The following RCN2 variants were observed in gnomAD, a reference collection of about 807,000 sequenced individuals.
RCN2 encodes the protein reticulocalbin 2.
RCN2 carries 23 observed loss-of-function variants against 37.5 expected under a neutral mutation model. The observed-to-expected ratio is 0.61, with a 90% CI of 0.44 to 0.87. The LOEUF is 0.87. Ranked by LOEUF, RCN2 falls within the 40% of genes least tolerant of loss-of-function variation. The pLI, the probability that RCN2 is intolerant of heterozygous loss-of-function variation, is 0.00. For synonymous variants in RCN2, 140 were observed against 144.6 expected, an observed-to-expected ratio of 0.97 and a Z score of 0.23; for missense variants, 381 against 390.4, an observed-to-expected ratio of 0.98 and a Z score of 0.20.
chr15:76,947,785 G>A lies in RCN2; in HGVS notation c.658+268G>A, dbSNP rs551367604. 23 of 356,482 alleles carry A rather than the reference G, an allele frequency of 6.5e-5. No individual in the cohort carries two copies. In the South Asian group the frequency reaches 8.6e-4, roughly 13 times the overall value. The allele number at this position is 356,482 out of a possible 1,614,324, so 22.1% of individuals were successfully genotyped here. A position where few individuals can be genotyped will look rare whatever the true frequency, so the allele number is the denominator to read the frequency against. On this transcript the variant is annotated intron_variant, in intron 5 of 6. Coordinates refer to ENST00000394885, the MANE Select transcript of RCN2 (RefSeq NM_002902.3). ...TCTAATTTTATTATCAGTTTAAATG[G>A]GGAAGGAAGTAAGGTAGATATTTTT...
At position 76,949,198 on chromosome 15, in the gene RCN2, C is replaced by T. The variant is rs2075308891; in HGVS notation, c.930C>T (p.Asp310=). ...ATDYGRQLHD[D]YFYHDEL ...ATTATGGCAGACAGCTCCATGATGACTATTTCTATCATGATGAGCTTTAAT... is the reference window on the plus strand; with the variant it reads ...ATTATGGCAGACAGCTCCATGATGATTATTTCTATCATGATGAGCTTTAAT... Residue 310 remains aspartate, a synonymous_variant, in exon 7 of 7, where the codon GAC becomes GAT. Transcript: ENST00000394885. The T allele has an allele frequency of 1.9e-6, 3 of 1,610,664 alleles. No homozygotes were observed. In the South Asian group the frequency reaches 3.3e-5, roughly 18 times the overall value.
In RCN2 at chr15:76,950,815, G is replaced by A. The variant is rs1461136360; in HGVS notation, c.*1593G>A. Reference sequence around the variant, plus strand: ...CACTGGGGGCTCAACAAGTACCTATGACTATTTGAGAAGACATGAAACTCT... The same window carrying A: ...CACTGGGGGCTCAACAAGTACCTATAACTATTTGAGAAGACATGAAACTCT... On this transcript the variant is annotated 3_prime_UTR_variant, in exon 7 of 7. Coordinates refer to ENST00000394885, the MANE Select transcript of RCN2 (RefSeq NM_002902.3). 2 of 152,154 alleles carry A rather than the reference G, an allele frequency of 1.3e-5. No individual in the cohort carries two copies. The highest frequency in any genetic ancestry group is 1.9e-4 in the East Asian group (1 of 5,196). 9.4% of individuals were successfully genotyped at this position (152,154 alleles called of 1,614,324 possible). A position where few individuals can be genotyped will look rare whatever the true frequency, so the allele number is the denominator to read the frequency against.
In RCN2 at chr15:76,935,053, G is replaced by A. The variant is rs139989390; in HGVS notation, c.251-473G>A. Among the ~76,000 whole-genome samples the A allele has an allele frequency of 5.8e-3, 881 of 152,216 alleles. 9 individuals carry two copies. The highest frequency in any genetic ancestry group is 0.02 in the African/African-American group (841 of 41,538). On this transcript the variant is annotated intron_variant, in intron 2 of 6. Coordinates refer to ENST00000394885, the MANE Select transcript of RCN2 (RefSeq NM_002902.3). ...TAGTATGGAAGCTCCGGCCAGGCAT[G>A]GTGGCTCACGCCTGTAATCCCAGCA...
In RCN2 at chr15:76,949,323, CTTAACCA is replaced by C; in HGVS notation, c.*102_*108del. 1 of 797,796 alleles carries C rather than the reference CTTAACCA, an allele frequency of 1.3e-6. No homozygotes were observed. 49.4% of individuals were successfully genotyped at this position (797,796 alleles called of 1,614,324 possible). A position where few individuals can be genotyped will look rare whatever the true frequency, so the allele number is the denominator to read the frequency against. The stretch of plus-strand genomic sequence containing the variant: ...GATGTTGTATTTTACACTCTTAAGT[CTTAACCA>C]CAGTCAGAATTATCTTAATGTAGAT... On this transcript the variant is annotated 3_prime_UTR_variant, in exon 7 of 7. Transcript: ENST00000394885.
At position 76,954,039 on chromosome 15, in the gene RCN2, G is replaced by GTTTTTTTTTTTT. The variant is rs60194309; in HGVS notation, c.*4819_*4830dup. 3.1e-5 allele frequency: 4 copies of GTTTTTTTTTTTT among 130,986 alleles called. No homozygotes were observed. Among genetic ancestry groups the GTTTTTTTTTTTT allele is most frequent in the South Asian group, 2.3e-4 (1 of 4,290 alleles). 8.1% of individuals were successfully genotyped at this position (130,986 alleles called of 1,614,324 possible). ...TCCTTACCAACACTTGCTATTTTCTGTTTTTTTTTTTTTCTTTTTTTTTTT... is the reference window on the plus strand; with the variant it reads ...TCCTTACCAACACTTGCTATTTTCTGTTTTTTTTTTTTTTTTTTTTTTTTTCTTTTTTTTTTT... On this transcript the variant is annotated 3_prime_UTR_variant, in exon 7 of 7. Coordinates refer to ENST00000394885, the MANE Select transcript of RCN2 (RefSeq NM_002902.3).
Position 76,949,366 on chromosome 15 carries a change from G to T in RCN2, c.*144G>T. 1.7e-6 allele frequency: 1 copy of T among 588,298 alleles called. No homozygotes were observed. The highest frequency in any genetic ancestry group is 2.6e-6 in the Non-Finnish European group (1 of 388,126). The allele number at this position is 588,298 out of a possible 1,614,324, so 36.4% of individuals were successfully genotyped here. A position where few individuals can be genotyped will look rare whatever the true frequency, so the allele number is the denominator to read the frequency against. The stretch of plus-strand genomic sequence containing the variant: ...TATCTTAATGTAGATTATAATTTTG[G>T]TCTTTTAGGAAAAAAAAACAAAAAT... On this transcript the variant is annotated 3_prime_UTR_variant, in exon 7 of 7. Coordinates refer to ENST00000394885, the MANE Select transcript of RCN2 (RefSeq NM_002902.3).
At chr15:76,934,148 T>TG (rs1025847224) in intron 2 of RCN2, among the ~76,000 whole-genome samples, 14 of 151,694 alleles carry the variant, frequency 9.2e-5, no homozygotes, top group Non-Finnish European at 1.3e-4. Flanking sequence ...AATAGTTTTT[T>TG]GTTTTTTTTT....
In RCN2 at chr15:76,935,579, G is replaced by A; in HGVS notation, c.304G>A (p.Ala102Thr). 2 of 1,613,728 alleles carry A rather than the reference G, an allele frequency of 1.2e-6. No homozygotes were observed. Among genetic ancestry groups the A allele is most frequent in the East Asian group, 2.2e-5 (1 of 44,850 alleles). Residue 102 changes from alanine (A) to threonine (T), a missense_variant, in exon 3 of 7, where the codon GCA becomes ACA. Physicochemically the swap from Ala to Thr is moderately conservative, Grantham distance 58 (BLOSUM62 0). Coordinates refer to ENST00000394885, the MANE Select transcript of RCN2 (RefSeq NM_002902.3). Reference sequence around the variant, plus strand: ...TTTTAAGCATTATGCTATGCAAGAAGCAAAACAACAGTTTGTTGAATATGA... The same window carrying A: ...TTTTAAGCATTATGCTATGCAAGAAACAAAACAACAGTTTGTTGAATATGA... ...MSFKHYAMQE[A>T]KQQFVEYDKN...
intron 2 of RCN2, among the ~76,000 whole-genome samples, chr15:76,933,846 C>T (rs992151031): frequency 6.6e-6 from 1 of 152,110 alleles, no homozygotes; most frequent in Non-Finnish European, 1.5e-5. Flanking sequence ...TCTTTGAGGG[C>T]CAGGTCTGGA....
Position 76,931,978 on chromosome 15 carries a change from G to A in RCN2, c.137G>A (p.Gly46Asp). Residue 46 changes from glycine (G) to aspartate (D), a missense_variant, in exon 1 of 7, where the codon GGC becomes GAC. By Grantham distance (94) the Gly-to-Asp change is moderately conservative. Transcript: ENST00000394885. ...RSDYDREALL[G>D]VQEDVDEYVK... is the part of the protein sequence containing the mutation. ...GACTACGACCGCGAGGCGCTGCTGG[G>A]CGTCCAGGTGAGGCGGCCAGGCCGG... 2 of 1,264,088 alleles carry A rather than the reference G, an allele frequency of 1.6e-6. No individual in the cohort carries two copies. The highest frequency in any genetic ancestry group is 1.6e-5 in the African/African-American group (1 of 63,834). 78.3% of individuals were successfully genotyped at this position (1,264,088 alleles called of 1,614,324 possible).
At chr15:76,937,696 C>T (rs975434267) in intron 3 of RCN2, among the ~76,000 whole-genome samples, 7 of 152,142 alleles carry the variant, frequency 4.6e-5, no homozygotes, top group South Asian at 4.1e-4. Flanking sequence ...GTGTAAGCCA[C>T]GACACCTGGC....
At chr15:76,947,794 G>A (rs2075302661) in intron 5 of RCN2, 1 of 329,376 alleles carries the variant, frequency 3.0e-6, no homozygotes, top group African/African-American at 2.2e-5. Context: ...GGGGAAGGAA[G>A]TAAGGTAGAT....
At chr15:76,942,427 C>A (rs1424580054) in intron 3 of RCN2, 2 of 152,116 alleles carry the variant, frequency 1.3e-5, no homozygotes, top group Non-Finnish European at 2.9e-5. Flanking sequence ...TTATTGGCTC[C>A]CAAGGCTCTT....
chr15:76,935,511 G>T lies in RCN2; in HGVS notation c.251-15G>T, dbSNP rs1272994273. On this transcript the variant is annotated splice_polypyrimidine_tract_variant and intron_variant, in intron 2 of 6. Coordinates refer to ENST00000394885, the MANE Select transcript of RCN2 (RefSeq NM_002902.3). ...ATTAACGTCACATGCGTTGTGTTCT[G>T]GGAAATTCTCATAGGTGAACTCAGT... 1 of 1,599,064 alleles carries T rather than the reference G, an allele frequency of 6.3e-7. No individual in the cohort carries two copies. Among genetic ancestry groups the T allele is most frequent in the Admixed American group, 1.7e-5 (1 of 59,550 alleles).
chr15:76,935,638 A>G lies in RCN2; in HGVS notation c.363A>G (p.Glu121=). The G allele has an allele frequency of 6.2e-7, 1 of 1,613,964 alleles. No homozygotes were observed. ...GTGATGATACTGTGACTTGGGATGA[A>G]TATAACATTCAGATGTATGATCGTG... ...KNSDDTVTWD[E]YNIQMYDRVI... The change falls in exon 3 of 7, where the codon GAA becomes GAG. Residue 121 remains glutamate (E), a synonymous_variant. Transcript: ENST00000394885.
At chr15:76,937,409 CTT>C (rs202009897) in intron 3 of RCN2, among the ~76,000 whole-genome samples, 1 of 145,994 alleles carries the variant, frequency 6.8e-6, no homozygotes. Context: ...AAAATTACTC[CTT>C]TTTTTTTTTT....
Position 76,949,490 on chromosome 15 carries a change from A to G in RCN2, c.*268A>G. Reference sequence around the variant, plus strand: ...AAATACTCCATCTGTTTAGTACTGTATTGTGGAATATTTGAGTTCTATTTC... The same window carrying G: ...AAATACTCCATCTGTTTAGTACTGTGTTGTGGAATATTTGAGTTCTATTTC... On this transcript the variant is annotated 3_prime_UTR_variant, in exon 7 of 7. Coordinates refer to ENST00000394885, the MANE Select transcript of RCN2 (RefSeq NM_002902.3). 8.6e-6 allele frequency: 2 copies of G among 232,950 alleles called. No homozygotes were observed. Among genetic ancestry groups the G allele is most frequent in the Non-Finnish European group, 1.6e-5 (2 of 121,494 alleles). 14.4% of individuals were successfully genotyped at this position (232,950 alleles called of 1,614,324 possible).
intron 4 of RCN2, among the ~76,000 whole-genome samples, chr15:76,946,463 G>A (rs992464322): frequency 1.3e-5 from 2 of 150,470 alleles, no homozygotes; most frequent in Non-Finnish European, 3.0e-5. Flanking sequence ...AAAAAAAGAA[G>A]GGGGAGGGCT....
In RCN2 at chr15:76,950,337, G is replaced by A. The variant is rs191256193; in HGVS notation, c.*1115G>A. 31 of 151,818 alleles carry A rather than the reference G, an allele frequency of 2.0e-4. 1 individual carries two copies. Among genetic ancestry groups the A allele is most frequent in the African/African-American group, 7.2e-4 (30 of 41,412 alleles). The allele number at this position is 151,818 out of a possible 1,614,324, so 9.4% of individuals were successfully genotyped here. On this transcript the variant is annotated 3_prime_UTR_variant, in exon 7 of 7. Coordinates refer to ENST00000394885, the MANE Select transcript of RCN2 (RefSeq NM_002902.3). ...GAGGTGGGATAGGGAAAAGTGAAGG[G>A]AGGAATTAATTTTTTTCTAGTTCTG... is the stretch of plus-strand genomic sequence containing the variant.
Sources: allele counts gnomAD v4.1 joint callset (sites outside exome capture counted in the v4.1 genomes callset), GRCh38; gene constraint gnomAD v4.1.1; transcripts MANE v1.5; gene names NCBI Gene and HGNC (gene_info 2026-07-23, HGNC 2026-07-21).